The following CTNND2 variants were observed in gnomAD, a reference collection of about 807,000 sequenced individuals.
The protein encoded by CTNND2 is catenin delta-2.
CTNND2 carries 22 observed loss-of-function variants against 144.4 expected under a neutral mutation model. The ratio of observed to expected loss-of-function variants is 0.15; its 90% CI spans 0.11 to 0.22. CTNND2 has a LOEUF of 0.22. Among genes scored for constraint, CTNND2 ranks in the 10% least tolerant of loss-of-function variants. CTNND2 has a pLI of 1.00. For synonymous variants in CTNND2, 751 were observed against 695.6 expected, an observed-to-expected ratio of 1.08 and a Z score of -1.25; for missense variants, 1,353 against 1,618.8, an observed-to-expected ratio of 0.84 and a Z score of 2.82.
intron 1 of CTNND2, among the ~76,000 whole-genome samples, chr5:11,844,207 A>G (rs1581990130): frequency 6.6e-6 from 1 of 152,208 alleles, no homozygotes; most frequent in Non-Finnish European, 1.5e-5. Context: ...TTTTAATAAA[A>G]TAGGTGTTAC....
chr5:11,611,833 C>A (rs1217913854), intron 2 of CTNND2, among the ~76,000 whole-genome samples: 1 of 152,150 alleles, frequency 6.6e-6, no homozygotes, highest in South Asian at 2.1e-4. Flanking sequence ...GATAAGCACA[C>A]TATCTAGATA....
intron 2 of CTNND2, among the ~76,000 whole-genome samples, chr5:11,617,425 C>T (rs1464724174): frequency 6.6e-6 from 1 of 152,114 alleles, no homozygotes; most frequent in Non-Finnish European, 1.5e-5. Flanking sequence ...TTATGTTTTG[C>T]CTTCTATGTT....
At chr5:11,611,661 T>G (rs1780332649) in intron 2 of CTNND2, among the ~76,000 whole-genome samples, 1 of 152,002 alleles carries the variant, frequency 6.6e-6, no homozygotes, top group Admixed American at 6.6e-5. Flanking sequence ...GCTTATAATC[T>G]CAGCTTCTTG....
chr5:11,499,269 G>T (rs563909912), intron 3 of CTNND2, among the ~76,000 whole-genome samples: 15 of 152,184 alleles, frequency 9.9e-5, no homozygotes, highest in African/African-American at 2.6e-4. Flanking sequence ...ACCAGTTCAC[G>T]ATCCTCTGAA....
intron 12 of CTNND2, among the ~76,000 whole-genome samples, chr5:11,140,652 C>T (rs1053430649): frequency 6.6e-6 from 1 of 152,066 alleles, no homozygotes; most frequent in Admixed American, 6.5e-5. Flanking sequence ...GCCCATTCAC[C>T]CCCAGCTACA....
intron 2 of CTNND2, among the ~76,000 whole-genome samples, chr5:11,583,270 A>G (rs1306025607): frequency 6.6e-6 from 1 of 152,214 alleles, no homozygotes; most frequent in Non-Finnish European, 1.5e-5. Flanking sequence ...TGGCTCAAAA[A>G]GTTTCTTGTA....
At chr5:11,323,539 C>T (rs552285451) in intron 9 of CTNND2, among the ~76,000 whole-genome samples, 13 of 152,270 alleles carry the variant, frequency 8.5e-5, no homozygotes, top group Middle Eastern at 3.4e-3. Flanking sequence ...GAAGATGATG[C>T]TAGTGTTTTT....
At chr5:11,397,000 C>A in intron 6 of CTNND2, 31 bp downstream of exon 6, 3 of 1,586,482 alleles carry the variant, frequency 1.9e-6, no homozygotes, top group South Asian at 2.3e-5. Flanking sequence ...CCCTTGGAGT[C>A]CACTGACACC....
intron 18 of CTNND2, among the ~76,000 whole-genome samples, chr5:11,009,924 T>C (rs852618): frequency 0.77 from 117,834 of 152,228 alleles, 45,868 homozygotes; most frequent in African/African-American, 0.85. Context: ...CAGGAGACCT[T>C]GTGAAGAAAG....
rs1382600378 is a variant in CTNND2 at position 11,774,519 on chromosome 5, G to T, written c.38-42247C>A. 7.6e-5 allele frequency among the ~76,000 whole-genome samples: 10 copies of T among 132,328 alleles called. No individual in the cohort carries two copies. In the East Asian group the frequency reaches 2.3e-3, roughly 30 times the overall value. The allele number at this position is 132,328 out of a possible 152,430, so 86.8% of individuals were successfully genotyped here. A position where few individuals can be genotyped will look rare whatever the true frequency, so the allele number is the denominator to read the frequency against. Reference sequence around the variant, plus strand: ...TACATATGTAACTAACCTGCACAATGTGCACATGTACCCTAAAACTTAAAG... The same window carrying T: ...TACATATGTAACTAACCTGCACAATTTGCACATGTACCCTAAAACTTAAAG... On this transcript the variant is annotated intron_variant, in intron 1 of 21. Coordinates refer to ENST00000304623, the MANE Select transcript of CTNND2 (RefSeq NM_001332.4).
intron 3 of CTNND2, among the ~76,000 whole-genome samples, chr5:11,558,341 C>CATGTGT (rs1554083650): frequency 7.6e-6 from 1 of 132,120 alleles, no homozygotes; most frequent in Non-Finnish European, 1.6e-5. Context: ...GTGAGAAACA[C>CATGTGT]GTGTGTGTGT....
intron 11 of CTNND2, among the ~76,000 whole-genome samples, chr5:11,168,698 T>C (rs1343977001): frequency 1.3e-5 from 2 of 152,236 alleles, no homozygotes; most frequent in Non-Finnish European, 2.9e-5. Context: ...TTCTTCTATG[T>C]GTAAAATGAT....
At chr5:11,610,381 T>C (rs1455476530) in intron 2 of CTNND2, among the ~76,000 whole-genome samples, 1 of 152,212 alleles carries the variant, frequency 6.6e-6, no homozygotes, top group Non-Finnish European at 1.5e-5. Context: ...TTTGTGAGAA[T>C]AGCCGATTTT....
At chr5:11,500,041 C>T (rs1770387204) in intron 3 of CTNND2, among the ~76,000 whole-genome samples, 4 of 151,952 alleles carry the variant, frequency 2.6e-5, no homozygotes, top group African/African-American at 9.7e-5. Context: ...TGTAAGAATC[C>T]CCTTATGAAG....
chr5:11,214,889 A>G (rs1183851473), intron 10 of CTNND2, among the ~76,000 whole-genome samples: 2 of 151,896 alleles, frequency 1.3e-5, no homozygotes, highest in African/African-American at 2.4e-5. Context: ...TTCATCCTCA[A>G]TCTTCCCCTT....
At chr5:11,855,342 A>C (rs1582011203) in intron 1 of CTNND2, among the ~76,000 whole-genome samples, 1 of 152,286 alleles carries the variant, frequency 6.6e-6, no homozygotes, top group East Asian at 1.9e-4. Context: ...CCAGTGAACT[A>C]ACCTCACCTC....
At chr5:11,422,220 T>C (rs183423077) in intron 3 of CTNND2, among the ~76,000 whole-genome samples, 7 of 142,604 alleles carry the variant, frequency 4.9e-5, no homozygotes, top group African/African-American at 2.0e-4. Flanking sequence ...TCTACCTTTT[T>C]TTCCCCCACG....
At chr5:11,242,426 A>G (rs1367307293) in intron 9 of CTNND2, among the ~76,000 whole-genome samples, 7 of 152,210 alleles carry the variant, frequency 4.6e-5, no homozygotes, top group African/African-American at 1.7e-4. Flanking sequence ...CTCTTGAAAT[A>G]ATGTCTAAAA....
chr5:11,779,219 G>C (rs1188365774), intron 1 of CTNND2, among the ~76,000 whole-genome samples: 1 of 152,172 alleles, frequency 6.6e-6, no homozygotes, highest in East Asian at 1.9e-4. Context: ...GAATTTTTAT[G>C]AATTTTTTAA....
Sources: allele counts gnomAD v4.1 joint callset (sites outside exome capture counted in the v4.1 genomes callset), GRCh38; gene constraint gnomAD v4.1.1; transcripts MANE v1.5; gene names NCBI Gene and HGNC (gene_info 2026-07-23, HGNC 2026-07-21).